Variants in ATXN1 observed in about 807,000 individuals in gnomAD.
ATXN1 encodes the protein ataxin-1.
ATXN1 carries 8 observed loss-of-function variants against 56.4 expected under a neutral mutation model. The observed-to-expected ratio is 0.14, with a 90% CI of 0.08 to 0.26. The LOEUF is 0.26. Ranked by LOEUF, ATXN1 falls within the 10% of genes least tolerant of loss-of-function variation. The pLI is 1.00. For synonymous variants in ATXN1, 514 were observed against 494.6 expected (o/e 1.04, Z -0.52); for missense variants, 987 against 1,106.5 (o/e 0.89, Z 1.53).
intron 2 of ATXN1, among the ~76,000 whole-genome samples, chr6:16,716,077 G>A (rs376344725): frequency 6.6e-6 from 1 of 152,084 alleles, no homozygotes; most frequent in Non-Finnish European, 1.5e-5. Context: ...CTAAATTAAC[G>A]CATCCTTCGT....
intron 6 of ATXN1, among the ~76,000 whole-genome samples, chr6:16,418,505 G>A (rs1311300771): frequency 6.6e-6 from 1 of 152,120 alleles, no homozygotes; most frequent in Non-Finnish European, 1.5e-5. Flanking sequence ...GAGAAGCAGG[G>A]AGCATTCATG....
At position 16,299,446 on chromosome 6, in the gene ATXN1, G is replaced by A. The variant is rs924664992; in HGVS notation, c.*6883C>T. ...ATTACAGAGAGTATGCACGCATATG[G>A]AAAAAAGTTCTCCTGTCACAATAAA... On this transcript the variant is annotated 3_prime_UTR_variant, in exon 8 of 8. Coordinates refer to ENST00000436367, the MANE Select transcript of ATXN1 (RefSeq NM_001128164.2). The A allele has an allele frequency of 1.3e-5, 2 of 152,534 alleles. No homozygotes were observed. Among genetic ancestry groups the A allele is most frequent in the Admixed American group, 6.5e-5 (1 of 15,274 alleles). The allele number at this position is 152,534 out of a possible 1,614,324, so 9.4% of individuals were successfully genotyped here.
chr6:16,398,886 G>A (rs1758508283), intron 6 of ATXN1, among the ~76,000 whole-genome samples: 1 of 152,292 alleles, frequency 6.6e-6, no homozygotes, highest in Admixed American at 6.5e-5. Flanking sequence ...ACTAAATCCT[G>A]TTTGGAGGTA....
intron 3 of ATXN1, among the ~76,000 whole-genome samples, chr6:16,609,175 A>T (rs1303891294): frequency 6.6e-6 from 1 of 152,246 alleles, no homozygotes; most frequent in Non-Finnish European, 1.5e-5. Context: ...CTGACAGAGC[A>T]CTGGTTAGAA....
intron 2 of ATXN1, among the ~76,000 whole-genome samples, chr6:16,708,888 C>T (rs1424818747): frequency 2.0e-5 from 3 of 151,638 alleles, no homozygotes; most frequent in South Asian, 2.1e-4. Context: ...TAGCTGGGCA[C>T]GGTGGTGCAT....
chr6:16,521,539 C>T (rs1049760571), intron 5 of ATXN1, among the ~76,000 whole-genome samples: 8 of 152,226 alleles, frequency 5.3e-5, no homozygotes, highest in African/African-American at 1.9e-4. Flanking sequence ...GCCTGGGCGA[C>T]AGAGGGAGAT....
At chr6:16,356,989 A>G (rs1440460283) in intron 6 of ATXN1, among the ~76,000 whole-genome samples, 1 of 152,192 alleles carries the variant, frequency 6.6e-6, no homozygotes, top group Non-Finnish European at 1.5e-5. Context: ...GGACAGTAAT[A>G]TGTACACCAC....
intron 5 of ATXN1, among the ~76,000 whole-genome samples, chr6:16,490,260 G>A (rs1028590140): frequency 6.6e-6 from 1 of 151,892 alleles, no homozygotes; most frequent in African/African-American, 2.4e-5. Flanking sequence ...ACTGGTTCCA[G>A]ATCCTGCTGG....
chr6:16,326,688 C>G lies in ATXN1; in HGVS notation c.1623G>C (p.Gln541His). The G allele has an allele frequency of 6.2e-7, 1 of 1,613,238 alleles. No homozygotes were observed. Among genetic ancestry groups the G allele is most frequent in the South Asian group, 1.1e-5 (1 of 91,080 alleles). Residue 541 changes from glutamine (Q) to histidine (H), a missense_variant, in exon 7 of 8, where the codon CAG becomes CAC. By Grantham distance (24) the Gln-to-His change is conservative. Around this residue, in one of 3 missense-constraint regions of ATXN1, gnomAD observed 723 missense variants for 791.7 expected, o/e 0.91. Transcript: ENST00000436367. The surrounding 1 kb of genome is among the most constrained non-coding windows in gnomAD (Gnocchi z 6.6). ...CCTGCACCATGGCTGGGTAGGCGGC[C>G]TGGGTGACCAGGGCCTCAGGGTTGA... Reference protein sequence around the residue: ...ENFNPEALVTQAAYPAMVQAQ... With the variant: ...ENFNPEALVTHAAYPAMVQAQ...
chr6:16,692,032 G>A (rs1477672755), intron 2 of ATXN1, among the ~76,000 whole-genome samples: 1 of 152,230 alleles, frequency 6.6e-6, no homozygotes, highest in Non-Finnish European at 1.5e-5. Flanking sequence ...GGGAGGCCGA[G>A]GCGGGCAGAT....
intron 6 of ATXN1, among the ~76,000 whole-genome samples, chr6:16,481,909 T>G (rs1015847929): frequency 6.6e-6 from 1 of 151,612 alleles, no homozygotes; most frequent in Non-Finnish European, 1.5e-5. Context: ...CACAAACAAG[T>G]GACAAAGCAA....
intron 2 of ATXN1, among the ~76,000 whole-genome samples, chr6:16,745,933 C>CGTGTGT (rs60773814): frequency 0.045 from 6,638 of 147,112 alleles, 177 homozygotes; most frequent in Middle Eastern, 0.083. Context: ...CTATGCCTTC[C>CGTGTGT]GTGTGTGTGT....
chr6:16,467,291 C>G (rs935255230), intron 6 of ATXN1, among the ~76,000 whole-genome samples: 1 of 152,094 alleles, frequency 6.6e-6, no homozygotes, highest in Non-Finnish European at 1.5e-5. Flanking sequence ...GCAGAAACAC[C>G]CCATGATGCA....
In ATXN1 at chr6:16,682,118, C is replaced by T. The variant is rs141009599; in HGVS notation, c.-614-24217G>A. On this transcript the variant is annotated intron_variant, in intron 2 of 7. Transcript: ENST00000436367. ...GGGTCCAACATAAGGAATTTCCCTTCTTCTTTCTTATTAAAGATTCCCAGG... is the reference window on the plus strand; with the variant it reads ...GGGTCCAACATAAGGAATTTCCCTTTTTCTTTCTTATTAAAGATTCCCAGG... Among the ~76,000 whole-genome samples the T allele has an allele frequency of 9.1e-3, 1,389 of 151,860 alleles. 46 individuals are homozygous for T. The highest frequency in any genetic ancestry group is 0.063 in the Admixed American group (957 of 15,242).
At chr6:16,347,860 C>A (rs991694910) in intron 6 of ATXN1, among the ~76,000 whole-genome samples, 1 of 152,036 alleles carries the variant, frequency 6.6e-6, no homozygotes, top group Non-Finnish European at 1.5e-5. Context: ...GATCCCTTTC[C>A]ACACTGTGGA....
At chr6:16,594,072 AAT>A (rs1417692565) in intron 3 of ATXN1, among the ~76,000 whole-genome samples, 2 of 149,326 alleles carry the variant, frequency 1.3e-5, no homozygotes, top group African/African-American at 4.9e-5. Flanking sequence ...ATATTAGACT[AAT>A]ATATATTAGT....
At chr6:16,633,698 G>C (rs1006341046) in intron 3 of ATXN1, among the ~76,000 whole-genome samples, 1 of 152,282 alleles carries the variant, frequency 6.6e-6, no homozygotes, top group South Asian at 2.1e-4. Flanking sequence ...AGGAGGATTA[G>C]AGCAAATATG....
chr6:16,539,158 G>A (rs1162499900), intron 4 of ATXN1, among the ~76,000 whole-genome samples: 1 of 152,068 alleles, frequency 6.6e-6, no homozygotes, highest in Non-Finnish European at 1.5e-5. Flanking sequence ...TTAATCACAG[G>A]GCTAATGTGT....
At chr6:16,395,501 G>A (rs903195623) in intron 6 of ATXN1, among the ~76,000 whole-genome samples, 1 of 152,112 alleles carries the variant, frequency 6.6e-6, no homozygotes, top group Non-Finnish European at 1.5e-5. Flanking sequence ...TACTGATGCT[G>A]TAGCTGTCCA....
Sources: gnomAD v4.1 joint callset for allele counts (sites outside exome capture counted in the v4.1 genomes callset) on GRCh38, gnomAD v4.1.1 for gene constraint, gnomAD v4.1.1 regional missense constraint, Gnocchi (gnomAD v3.1) non-coding constraint, MANE v1.5 for transcripts, NCBI Gene and HGNC (gene_info 2026-07-23, HGNC 2026-07-21) for gene names.